Variants in PTPRD observed in about 807,000 individuals in gnomAD.
PTPRD encodes protein tyrosine phosphatase receptor type D.
A neutral mutation model predicts 214.5 loss-of-function variants in PTPRD; 34 were observed. The ratio of observed to expected loss-of-function variants is 0.16; its 90% confidence interval spans 0.12 to 0.21. The LOEUF is 0.21. Among genes scored for constraint, PTPRD ranks in the 10% least tolerant of loss-of-function variants. The pLI, the probability that PTPRD is intolerant of heterozygous loss-of-function variation, is 1.00. For synonymous variants in PTPRD, 1,128 were observed against 845.7 expected (o/e 1.33, Z -5.79); for missense variants, 2,545 against 2,398.7 (o/e 1.06, Z -1.27).
At chr9:9,948,407 A>T (rs868583811) in intron 4 of PTPRD, among the ~76,000 whole-genome samples, 2 of 152,092 alleles carry the variant, frequency 1.3e-5, no homozygotes, top group African/African-American at 4.8e-5. Context: ...CTCCATTCCC[A>T]ATATCAAACA....
At chr9:8,437,106 A>T in intron 34 of PTPRD, 3 of 879,454 alleles carry the variant, frequency 3.4e-6, no homozygotes, top group Non-Finnish European at 5.2e-6. Context: ...AAGTGAAATA[A>T]GAAAACAGAC....
chr9:9,265,718 C>A lies in PTPRD; in HGVS notation c.-202-82355G>T, dbSNP rs1483543569. 2.0e-5 allele frequency among the ~76,000 whole-genome samples: 3 copies of A among 150,606 alleles called. No homozygotes were observed. In the Admixed American group the frequency reaches 2.0e-4, roughly 10 times the overall value. ...AAAAAGCAAGAATCTATAGTATATA[C>A]ACAAAAGATGAAAAGACTCAAAGCA... On this transcript the variant is annotated intron_variant, in intron 9 of 45. Coordinates refer to ENST00000381196, the MANE Select transcript of PTPRD (RefSeq NM_002839.4).
intron 11 of PTPRD, among the ~76,000 whole-genome samples, chr9:8,756,143 G>C (rs1321276891): frequency 6.6e-6 from 1 of 152,158 alleles, no homozygotes; most frequent in African/African-American, 2.4e-5. Context: ...AAGGAACCGA[G>C]ACAGTCAAAG....
In PTPRD at chr9:10,421,371, C is replaced by G. The variant is rs575039529; in HGVS notation, c.-599-80354G>C. ...AATATATTGACAGCAATGTTGGCAA[C>G]ATTAGATTAAATGGAGCAAGGTTCC... is the stretch of plus-strand genomic sequence containing the variant. On this transcript the variant is annotated intron_variant, in intron 2 of 45. Transcript: ENST00000381196. 2.0e-5 allele frequency among the ~76,000 whole-genome samples: 3 copies of G among 152,004 alleles called. No individual in the cohort carries two copies. In the East Asian group the frequency reaches 5.9e-4, roughly 30 times the overall value.
intron 5 of PTPRD, among the ~76,000 whole-genome samples, chr9:9,880,954 C>G (rs10978058): frequency 0.025 from 3,810 of 152,024 alleles, 59 homozygotes; most frequent in Middle Eastern, 0.045. Context: ...AAAAATCTTT[C>G]CTTTTACCAG....
intron 5 of PTPRD, among the ~76,000 whole-genome samples, chr9:9,810,955 C>T (rs1319560468): frequency 6.6e-6 from 1 of 151,596 alleles, no homozygotes; most frequent in African/African-American, 2.4e-5. Context: ...AAGCAGTTCG[C>T]GGCCAGGTGC....
At position 8,484,108 on chromosome 9, in the gene PTPRD, A is replaced by T. The variant is rs2096948908; in HGVS notation, c.3413+11T>A. On this transcript the variant is annotated intron_variant, in intron 30 of 45. Transcript: ENST00000381196. Reference sequence around the variant, plus strand: ...TTCTTTCCTTCAGCCCTAAGCCTTCAATCAACTTACTTTATATTCTCATTT... The same window carrying T: ...TTCTTTCCTTCAGCCCTAAGCCTTCTATCAACTTACTTTATATTCTCATTT... 1 of 1,610,278 alleles carries T rather than the reference A, an allele frequency of 6.2e-7. No individual in the cohort carries two copies. The highest frequency in any genetic ancestry group is 1.3e-5 in the African/African-American group (1 of 74,868).
chr9:9,104,835 C>T (rs1302303066), intron 10 of PTPRD, among the ~76,000 whole-genome samples: 1 of 152,104 alleles, frequency 6.6e-6, no homozygotes, highest in Non-Finnish European at 1.5e-5. Flanking sequence ...GGGAGTTCGA[C>T]GTGATTCCTG....
chr9:8,478,231 T>G (rs1324355935), intron 30 of PTPRD, among the ~76,000 whole-genome samples: 1 of 152,166 alleles, frequency 6.6e-6, no homozygotes, highest in Admixed American at 6.5e-5. Flanking sequence ...TATACAAATT[T>G]AAGCCTTTGT....
At chr9:9,309,005 T>C (rs1958030327) in intron 9 of PTPRD, among the ~76,000 whole-genome samples, 1 of 152,100 alleles carries the variant, frequency 6.6e-6, no homozygotes, top group Non-Finnish European at 1.5e-5. Context: ...ATATGAGTGA[T>C]ATATTAAAAC....
At chr9:9,663,482 C>T (rs1261610667) in intron 7 of PTPRD, among the ~76,000 whole-genome samples, 1 of 151,470 alleles carries the variant, frequency 6.6e-6, no homozygotes, top group East Asian at 1.9e-4. Flanking sequence ...ATCCACTTCA[C>T]TTTTTTGTCT....
At chr9:10,168,207 T>C (rs1317660233) in intron 3 of PTPRD, among the ~76,000 whole-genome samples, 1 of 152,226 alleles carries the variant, frequency 6.6e-6, no homozygotes, top group Non-Finnish European at 1.5e-5. Context: ...TCTTACATAA[T>C]AATGTAATAA....
chr9:9,873,458 TCTTA>T (rs900855669), intron 5 of PTPRD, among the ~76,000 whole-genome samples: 6 of 151,928 alleles, frequency 3.9e-5, no homozygotes, highest in African/African-American at 1.5e-4. Context: ...AAAACCTGGA[TCTTA>T]CTTACTTTTT....
intron 8 of PTPRD, among the ~76,000 whole-genome samples, chr9:9,401,812 G>A (rs2070686199): frequency 6.6e-6 from 1 of 151,918 alleles, no homozygotes; most frequent in African/African-American, 2.4e-5. Flanking sequence ...CACGAGATCT[G>A]GTAGTTTATT....
intron 10 of PTPRD, among the ~76,000 whole-genome samples, chr9:9,053,446 T>A (rs1027173306): frequency 6.6e-6 from 1 of 152,082 alleles, no homozygotes; most frequent in Non-Finnish European, 1.5e-5. Flanking sequence ...AAATAACCCA[T>A]CACGGTTGAG....
chr9:9,227,168 C>T (rs2099960018), intron 9 of PTPRD, among the ~76,000 whole-genome samples: 1 of 152,030 alleles, frequency 6.6e-6, no homozygotes, highest in African/African-American at 2.4e-5. Context: ...TCTACCATCC[C>T]CGAAGTACAA....
rs1491530755 is a variant in PTPRD, at chr9:10,363,992, T to TTTTTTTGG, written c.-599-22976_-599-22975insCCAAAAAA. Among the ~76,000 whole-genome samples, 15 of 36,488 alleles carry TTTTTTTGG rather than the reference T, an allele frequency of 4.1e-4. 2 individuals are homozygous for TTTTTTTGG. The highest frequency in any genetic ancestry group is 9.5e-4 in the African/African-American group (14 of 14,764). The allele number at this position is 36,488 out of a possible 152,430, so 23.9% of individuals were successfully genotyped here. A position where few individuals can be genotyped will look rare whatever the true frequency, so the allele number is the denominator to read the frequency against. On this transcript the variant is annotated intron_variant, in intron 2 of 45. Coordinates refer to ENST00000381196, the MANE Select transcript of PTPRD (RefSeq NM_002839.4). ...TTATTATTGCCTCCACATTTTCGGGTTTTTTTTTTTTTTTTTTTTTTTTTT... is the reference window on the plus strand; with the variant it reads ...TTATTATTGCCTCCACATTTTCGGGTTTTTTTGGTTTTTTTTTTTTTTTTTTTTTTTTT...
chr9:9,214,494 T>C (rs1368740696), intron 9 of PTPRD, among the ~76,000 whole-genome samples: 1 of 151,970 alleles, frequency 6.6e-6, no homozygotes, highest in East Asian at 1.9e-4. Flanking sequence ...TTTTTTTTTT[T>C]TTTTAACTTC....
intron 7 of PTPRD, among the ~76,000 whole-genome samples, chr9:9,721,474 C>A (rs2097944410): frequency 1.3e-5 from 2 of 151,982 alleles, no homozygotes; most frequent in East Asian, 1.9e-4. Flanking sequence ...CTATAGGGGG[C>A]ACAGGTTCAA....
Sources: gnomAD v4.1 joint callset for allele counts (sites outside exome capture counted in the v4.1 genomes callset) on GRCh38, gnomAD v4.1.1 for gene constraint, MANE v1.5 for transcripts, NCBI Gene and HGNC (gene_info 2026-07-23, HGNC 2026-07-21) for gene names.